DEPDC1B: variants seen among roughly 807,000 people sequenced by gnomAD.
DEPDC1B encodes DEP domain containing 1B.
A neutral mutation model predicts 66.5 loss-of-function variants in DEPDC1B; 51 were observed. The observed-to-expected ratio is 0.77, with a 90% confidence interval of 0.61 to 0.97. The LOEUF (loss-of-function observed/expected upper bound fraction) is 0.97, where lower values mean the gene tolerates loss of function less well. DEPDC1B is among the 50% of genes least tolerant of loss of function. DEPDC1B has a pLI of 0.00. For missense variants in DEPDC1B, 552 were observed against 637.1 expected, an observed-to-expected ratio of 0.87 and a Z score of 1.44; for synonymous variants, 226 against 223.6, an observed-to-expected ratio of 1.01 and a Z score of -0.10.
chr5:60,649,113 G>A (rs537985968), intron 2 of DEPDC1B, among the ~76,000 whole-genome samples: 22 of 152,000 alleles, frequency 1.4e-4, no homozygotes. Flanking sequence ...CCTCGACTAT[G>A]GCATAAAAAT....
chr5:60,598,964 A>G (rs1752148139), intron 10 of DEPDC1B, 111 bp downstream of exon 10: 1 of 934,918 alleles, frequency 1.1e-6, no homozygotes, highest in East Asian at 2.7e-5. Context: ...TATACTTAGA[A>G]AACTGCTATG....
At chr5:60,676,053 G>A (rs746528438) in intron 2 of DEPDC1B, among the ~76,000 whole-genome samples, 9 of 151,424 alleles carry the variant, frequency 5.9e-5, no homozygotes, top group Non-Finnish European at 1.3e-4. Flanking sequence ...TCAGCCTCCC[G>A]AGTAGCTGGG....
chr5:60,599,921 G>T (rs76879971), intron 9 of DEPDC1B, among the ~76,000 whole-genome samples: 1 of 13,278 alleles, frequency 7.5e-5, no homozygotes, highest in Non-Finnish European at 1.3e-4. Context: ...TTCTATATTT[G>T]TGTGTGTGTG....
chr5:60,650,685 T>TA (rs893061500), intron 2 of DEPDC1B, among the ~76,000 whole-genome samples: 3 of 152,152 alleles, frequency 2.0e-5, no homozygotes, highest in African/African-American at 7.2e-5. Context: ...GTTCAATAAA[T>TA]AGTACTGAGC....
At chr5:60,641,491 A>AT (rs1190588103) in intron 6 of DEPDC1B, among the ~76,000 whole-genome samples, 2 of 151,224 alleles carry the variant, frequency 1.3e-5, no homozygotes, top group East Asian at 2.0e-4. Flanking sequence ...AGCCCAGCTA[A>AT]TTTTTTTTGT....
At chr5:60,654,601 A>G (rs1753534100) in intron 2 of DEPDC1B, among the ~76,000 whole-genome samples, 1 of 148,708 alleles carries the variant, frequency 6.7e-6, no homozygotes, top group Non-Finnish European at 1.5e-5. Flanking sequence ...CCGCTTTACC[A>G]ATTTGGATGC....
chr5:60,605,964 T>C, intron 7 of DEPDC1B, 108 bp from the exon 8 acceptor site: 1 of 971,332 alleles, frequency 1.0e-6, no homozygotes, highest in Non-Finnish European at 1.4e-6. Context: ...TAAAATATTT[T>C]CACATATTCA....
At chr5:60,647,267 G>A in intron 3 of DEPDC1B, 131 bp downstream of exon 3, 1 of 1,108,488 alleles carries the variant, frequency 9.0e-7, no homozygotes, top group South Asian at 2.1e-5. Context: ...CCCAGCTGTT[G>A]GCAGGTACAA....
At chr5:60,640,920 CT>C (rs35124445) in intron 6 of DEPDC1B, among the ~76,000 whole-genome samples, 69,766 of 152,072 alleles carry the variant, frequency 0.46, 17,297 homozygotes, top group Admixed American at 0.56. Context: ...AACATTGTGA[CT>C]TTATAAAGCT....
chr5:60,635,501 A>C (rs566727939), intron 7 of DEPDC1B, among the ~76,000 whole-genome samples: 16 of 152,382 alleles, frequency 1.0e-4, no homozygotes, highest in Middle Eastern at 3.4e-3. Context: ...AGGGAACAGC[A>C]AAGAGCTATT....
intron 7 of DEPDC1B, among the ~76,000 whole-genome samples, chr5:60,627,906 C>T (rs182667066): frequency 6.6e-6 from 1 of 152,124 alleles, no homozygotes; most frequent in Non-Finnish European, 1.5e-5. Context: ...AATGAGAAAA[C>T]TGGGTCCAGA....
intron 9 of DEPDC1B, among the ~76,000 whole-genome samples, chr5:60,601,494 A>C (rs561193741): frequency 1.3e-5 from 2 of 152,344 alleles, no homozygotes; most frequent in Non-Finnish European, 2.9e-5. Flanking sequence ...TAGATACTTA[A>C]AATATGTTCA....
intron 2 of DEPDC1B, among the ~76,000 whole-genome samples, chr5:60,670,351 G>A (rs1754007329): frequency 6.6e-6 from 1 of 152,286 alleles, no homozygotes; most frequent in East Asian, 1.9e-4. Flanking sequence ...TCCAGCCTAG[G>A]CAACAGAGCG....
chr5:60,660,892 G>A (rs1489127669), intron 2 of DEPDC1B, among the ~76,000 whole-genome samples: 2 of 152,188 alleles, frequency 1.3e-5, no homozygotes, highest in African/African-American at 4.8e-5. Context: ...CCTCCCAGGT[G>A]ATTAAGGAAA....
chr5:60,650,681 T>C (rs1753428602), intron 2 of DEPDC1B, among the ~76,000 whole-genome samples: 1 of 152,170 alleles, frequency 6.6e-6, no homozygotes, highest in Non-Finnish European at 1.5e-5. Flanking sequence ...GACTGTTCAA[T>C]AAATAGTACT....
intron 7 of DEPDC1B, among the ~76,000 whole-genome samples, chr5:60,619,797 T>C (rs1752658739): frequency 6.6e-6 from 1 of 152,102 alleles, no homozygotes; most frequent in African/African-American, 2.4e-5. Context: ...TACTTTAAAG[T>C]TCATATGGAA....
At chr5:60,676,780 A>C (rs1012226533) in intron 2 of DEPDC1B, among the ~76,000 whole-genome samples, 5 of 151,764 alleles carry the variant, frequency 3.3e-5, no homozygotes, top group African/African-American at 1.2e-4. Context: ...CTCCCGTTCC[A>C]TAAGGTTCCA....
At chr5:60,665,242 T>A (rs1267109729) in intron 2 of DEPDC1B, among the ~76,000 whole-genome samples, 1 of 152,142 alleles carries the variant, frequency 6.6e-6, no homozygotes, top group Non-Finnish European at 1.5e-5. Context: ...GAAAATTACT[T>A]AAAACCCTTC....
chr5:60,679,234 C>T (rs1043827734), intron 2 of DEPDC1B, among the ~76,000 whole-genome samples: 1 of 152,142 alleles, frequency 6.6e-6, no homozygotes, highest in African/African-American at 2.4e-5. Flanking sequence ...TCTGGACTCT[C>T]TATTCTGTAC....
Sources: allele counts gnomAD v4.1 joint callset (sites outside exome capture counted in the v4.1 genomes callset), GRCh38; gene constraint gnomAD v4.1.1; transcripts MANE v1.5; gene names NCBI Gene and HGNC (gene_info 2026-07-23, HGNC 2026-07-21).